Variants in ZNF672 observed in about 807,000 individuals in gnomAD.
The protein encoded by ZNF672 is hypothetical protein FLJ22301.
For synonymous variants in ZNF672, 358 were observed against 305.6 expected, an observed-to-expected ratio of 1.17 and a Z score of -1.79; for missense variants, 733 against 701.1, an observed-to-expected ratio of 1.05 and a Z score of -0.51.
chr1:248,848,223 G>A lies in ZNF672; in HGVS notation c.949G>A (p.Gly317Ser), dbSNP rs953663679. The A allele has an allele frequency of 1.9e-6, 3 of 1,600,418 alleles. No homozygotes were observed. The highest frequency in any genetic ancestry group is 1.7e-5 in the Admixed American group (1 of 59,456). Residue 317 changes from glycine to serine, a missense_variant, in exon 4 of 4, where the codon GGC becomes AGC. Gly to Ser is a moderately conservative substitution (Grantham distance 56, BLOSUM62 0). Coordinates refer to ENST00000306562, the MANE Select transcript of ZNF672 (RefSeq NM_024836.3). ...GAAGCCCTTCGCGTGCCCCGAGTGC[G>A]GCCGCCGCTTCAGCGACCGCTCGGA... ...GEKPFACPEC[G>S]RRFSDRSDLT...
At chr1:248,844,444 C>CA (rs1383800324) in intron 1 of ZNF672, 39 bp from the exon 2 acceptor site, 1 of 152,130 alleles carries the variant, frequency 6.6e-6, no homozygotes. Context: ...ATCTAGAAGT[C>CA]AGTCTTTTTT....
At chr1:248,840,723 G>C (rs1289418312) in intron 1 of ZNF672, among the ~76,000 whole-genome samples, 1 of 152,024 alleles carries the variant, frequency 6.6e-6, no homozygotes, top group Non-Finnish European at 1.5e-5. Context: ...TGTATATGCA[G>C]TGGGTAGTGC....
intron 1 of ZNF672, among the ~76,000 whole-genome samples, chr1:248,844,007 C>A (rs1572197073): frequency 6.6e-6 from 1 of 152,120 alleles, no homozygotes; most frequent in East Asian, 1.9e-4. Flanking sequence ...TTTTTGAGGT[C>A]TTTTGTCCCA....
In ZNF672 at chr1:248,847,552, G is replaced by C. The variant is rs760994361; in HGVS notation, c.278G>C (p.Arg93Pro). 2.5e-6 allele frequency: 4 copies of C among 1,586,628 alleles called. No individual in the cohort carries two copies. The highest frequency in any genetic ancestry group is 1.7e-5 in the Admixed American group (1 of 57,428). The change falls in exon 4 of 4, where the codon CGG becomes CCG. Residue 93 changes from arginine (R) to proline (P), a missense_variant. Coordinates refer to ENST00000306562, the MANE Select transcript of ZNF672 (RefSeq NM_024836.3). ...GRLDLHLGAH[R>P]QRCRTCPCRT... ...CTTGACCTACACTTGGGCGCACACC[G>C]GCAGCGATGCCGCACTTGCCCCTGC...
chr1:248,847,264 C>T lies in ZNF672; in HGVS notation c.-11C>T, dbSNP rs1659143127. 6.3e-7 allele frequency: 1 copy of T among 1,594,258 alleles called. No homozygotes were observed. Among genetic ancestry groups the T allele is most frequent in the Admixed American group, 1.7e-5 (1 of 59,616 alleles). ...GTGAGTGGCACGCTTCCCTGTGAAC[C>T]CGTCCTCACCATGTTTGCCACATCT... On this transcript the variant is annotated 5_prime_UTR_variant, in exon 4 of 4. Transcript: ENST00000306562.
intron 1 of ZNF672, chr1:248,839,079 C>A (rs140604430): frequency 0.033 from 5,079 of 152,338 alleles, 107 homozygotes; most frequent in Middle Eastern, 0.1. Context: ...GTTCAGGTGC[C>A]GTGTTCCGCA....
Position 248,849,196 on chromosome 1 carries a change from C to A in ZNF672, c.*563C>A. 2 of 425,910 alleles carry A rather than the reference C, an allele frequency of 4.7e-6. No homozygotes were observed. The highest frequency in any genetic ancestry group is 1.8e-5 in the South Asian group (1 of 54,924). 26.4% of individuals were successfully genotyped at this position (425,910 alleles called of 1,614,324 possible). ...GAAAGCTCACTTCCATGAAGGATGT[C>A]TCCATGCTAGGAGCTGCCTGCACCC... On this transcript the variant is annotated 3_prime_UTR_variant, in exon 4 of 4. Transcript: ENST00000306562.
chr1:248,847,370 T>C lies in ZNF672; in HGVS notation c.96T>C (p.His32=). Residue 32 remains histidine (H), a synonymous_variant, in exon 4 of 4, where the codon CAT becomes CAC. Coordinates refer to ENST00000306562, the MANE Select transcript of ZNF672 (RefSeq NM_024836.3). ...SFCYSSVLLR[H]ERAHGGDGRF... ...GCTACAGCTCAGTGCTGCTGCGACA[T>C]GAACGAGCTCACGGCGGTGACGGCC... 1 of 1,611,476 alleles carries C rather than the reference T, an allele frequency of 6.2e-7. No homozygotes were observed.
In ZNF672 at chr1:248,848,548, C is replaced by G; in HGVS notation, c.1274C>G (p.Ala425Gly). 1 of 1,599,752 alleles carries G rather than the reference C, an allele frequency of 6.3e-7. No individual in the cohort carries two copies. The highest frequency in any genetic ancestry group is 8.5e-7 in the Non-Finnish European group (1 of 1,172,038). Reference protein sequence around the residue: ...RAHTRARTAAAVAIQSAVGTA... With the variant: ...RAHTRARTAAGVAIQSAVGTA... Reference sequence around the variant, plus strand: ...CACACGCGCGCCCGCACCGCTGCCGCCGTTGCCATCCAGTCCGCAGTGGGC... The same window carrying G: ...CACACGCGCGCCCGCACCGCTGCCGGCGTTGCCATCCAGTCCGCAGTGGGC... The change falls in exon 4 of 4, where the codon GCC becomes GGC. Residue 425 changes from alanine (A) to glycine (G), a missense_variant. Transcript: ENST00000306562.
rs373022072 is a variant in ZNF672 at position 248,848,833 on chromosome 1, A to G, written c.*200A>G. 29 of 821,676 alleles carry G rather than the reference A, an allele frequency of 3.5e-5. No individual in the cohort carries two copies. The highest frequency in any genetic ancestry group is 2.9e-4 in the East Asian group (11 of 37,672). 50.9% of individuals were successfully genotyped at this position (821,676 alleles called of 1,614,324 possible). A position where few individuals can be genotyped will look rare whatever the true frequency, so the allele number is the denominator to read the frequency against. On this transcript the variant is annotated 3_prime_UTR_variant, in exon 4 of 4. Coordinates refer to ENST00000306562, the MANE Select transcript of ZNF672 (RefSeq NM_024836.3). ...CTACTACCCTGTCGGCCCTTTTGCC[A>G]TGCTGTCCTCGTATAACTCGGATTC...
Position 248,848,038 on chromosome 1 carries a change from A to C in ZNF672, c.764A>C (p.Tyr255Ser), listed in dbSNP as rs2103030807. The change falls in exon 4 of 4, where the codon TAC (tyrosine) becomes TCC (serine). Residue 255 changes from tyrosine to serine, a missense_variant. Coordinates refer to ENST00000306562, the MANE Select transcript of ZNF672 (RefSeq NM_024836.3). ...HQRTHTGEKP[Y>S]ACGDCGRCFS... The stretch of plus-strand genomic sequence containing the variant: ...CGCACACACACGGGCGAGAAGCCGT[A>C]CGCATGTGGCGACTGTGGACGCTGC... 1 of 1,553,590 alleles carries C rather than the reference A, an allele frequency of 6.4e-7. No homozygotes were observed. The highest frequency in any genetic ancestry group is 2.4e-5 in the East Asian group (1 of 41,188).
In ZNF672 at chr1:248,847,801, C is replaced by G. The variant is rs770057198; in HGVS notation, c.527C>G (p.Ala176Gly). The part of the protein sequence containing the change: ...AQCPRAFRSG[A>G]GLRSHARIHV... ...TGCCCGCGAGCCTTCCGAAGCGGCG[C>G]CGGGCTGCGGAGTCACGCGCGCATC... is the stretch of plus-strand genomic sequence containing the variant. The change falls in exon 4 of 4, where the codon GCC becomes GGC. Residue 176 changes from alanine to glycine, a missense_variant. Physicochemically the swap from Ala to Gly is moderately conservative, Grantham distance 60. Coordinates refer to ENST00000306562, the MANE Select transcript of ZNF672 (RefSeq NM_024836.3). 2.6e-6 allele frequency: 4 copies of G among 1,544,396 alleles called. No individual in the cohort carries two copies. Among genetic ancestry groups the G allele is most frequent in the Non-Finnish European group, 3.5e-6 (4 of 1,148,592 alleles).
intron 1 of ZNF672, among the ~76,000 whole-genome samples, chr1:248,842,274 A>G (rs1664690454): frequency 6.6e-6 from 1 of 152,168 alleles, no homozygotes; most frequent in African/African-American, 2.4e-5. Context: ...GGAAACAGGA[A>G]TAACAGTTCG....
chr1:248,843,576 A>G (rs759040386), intron 1 of ZNF672, among the ~76,000 whole-genome samples: 1 of 152,204 alleles, frequency 6.6e-6, no homozygotes, highest in African/African-American at 2.4e-5. Flanking sequence ...CCTCCTTTCA[A>G]ATGTTCCAGG....
chr1:248,845,877 A>T (rs1030695347), intron 3 of ZNF672, among the ~76,000 whole-genome samples: 22 of 152,160 alleles, frequency 1.4e-4, no homozygotes, highest in African/African-American at 5.1e-4. Flanking sequence ...GTAAGGCTGG[A>T]GACTGACCTG....
At chr1:248,846,127 C>A (rs542947906) in intron 3 of ZNF672, among the ~76,000 whole-genome samples, 1 of 152,180 alleles carries the variant, frequency 6.6e-6, no homozygotes, top group African/African-American at 2.4e-5. Context: ...TCTCAGATTC[C>A]TGTGGCTGAG....
chr1:248,839,685 C>T (rs1223820110), intron 1 of ZNF672, among the ~76,000 whole-genome samples: 1 of 150,602 alleles, frequency 6.6e-6, no homozygotes, highest in African/African-American at 2.5e-5. Context: ...CTGTCCTAGG[C>T]AGAGTAAATC....
At position 248,848,288 on chromosome 1, in the gene ZNF672, C is replaced by G; in HGVS notation, c.1014C>G (p.Pro338=). The G allele has an allele frequency of 6.2e-7, 1 of 1,602,982 alleles. No individual in the cohort carries two copies. The highest frequency in any genetic ancestry group is 8.5e-7 in the Non-Finnish European group (1 of 1,179,530). ...KHRRTHTGEK[P]YRCELCGKRF... is the part of the protein sequence containing the mutation. ...GGCGCACGCACACGGGCGAGAAGCC[C>G]TACCGCTGCGAACTGTGCGGCAAGC... is the stretch of plus-strand genomic sequence containing the variant. The change falls in exon 4 of 4, where the codon CCC becomes CCG. Residue 338 remains proline, a synonymous_variant. Transcript: ENST00000306562.
chr1:248,840,174 C>T (rs1027931692), intron 1 of ZNF672, among the ~76,000 whole-genome samples: 4 of 152,202 alleles, frequency 2.6e-5, no homozygotes, highest in African/African-American at 7.2e-5. Context: ...ACTGCAACCT[C>T]TGCTTCTCGG....
Sources: gnomAD v4.1 joint callset for allele counts (sites outside exome capture counted in the v4.1 genomes callset) on GRCh38, gnomAD v4.1.1 for gene constraint, MANE v1.5 for transcripts, NCBI Gene and HGNC (gene_info 2026-07-23, HGNC 2026-07-21) for gene names.